FDFT1: variants seen among roughly 807,000 people sequenced by gnomAD.
The protein encoded by FDFT1 is farnesyl-diphosphate farnesyltransferase 1.
Under a neutral mutation model 46.8 loss-of-function variants are expected in FDFT1, and 68 were observed. That is an observed-to-expected ratio of 1.45 (90% CI 1.19 to 1.78). The LOEUF (loss-of-function observed/expected upper bound fraction) is 1.78. FDFT1 is among the 40% of genes most tolerant of loss of function. The pLI, the probability that FDFT1 is intolerant of heterozygous loss-of-function variation, is 0.00. For missense variants in FDFT1, 928 were observed against 524.4 expected (o/e 1.77, Z -7.52); for synonymous variants, 351 against 185.1 (o/e 1.90, Z -7.28).
chr8:11,832,571 A>AAAAAAAAAAAAAAAAAAAAAAAAT (rs1810961254), intron 7 of FDFT1, among the ~76,000 whole-genome samples: 1 of 149,142 alleles, frequency 6.7e-6, no homozygotes, highest in Non-Finnish European at 1.5e-5. Context: ...AAAAAAAAAA[A>AAAAAAAAAAAAAAAAAAAAAAAAT]AAAAAGTCTT....
intron 1 of FDFT1, among the ~76,000 whole-genome samples, chr8:11,807,025 C>T (rs970408930): frequency 2.5e-5 from 1 of 40,190 alleles, no homozygotes; most frequent in Non-Finnish European, 8.7e-5. Context: ...GAAATATATA[C>T]AAATAAAAAC....
At chr8:11,797,500 G>C (rs1254452709), upstream of FDFT1, among the ~76,000 whole-genome samples, 1 of 143,884 alleles carries the variant, frequency 7.0e-6, no homozygotes, top group Non-Finnish European at 1.5e-5. Flanking sequence ...CCACATTGTA[G>C]ATGTTCAGCC....
intron 4 of FDFT1, among the ~76,000 whole-genome samples, chr8:11,824,573 C>T (rs568709808): frequency 6.6e-6 from 1 of 150,712 alleles, no homozygotes; most frequent in African/African-American, 2.4e-5. Flanking sequence ...GACCACTGGC[C>T]TGTGTCACTG....
At chr8:11,796,483 C>G (rs1176035376) in intron 1 of FDFT1, among the ~76,000 whole-genome samples, 1 of 152,198 alleles carries the variant, frequency 6.6e-6, no homozygotes, top group Admixed American at 6.5e-5. Context: ...TGAACACAAA[C>G]AAATAAGGTT....
At chr8:11,821,201 A>G (rs1809189622) in intron 3 of FDFT1, among the ~76,000 whole-genome samples, 1 of 152,262 alleles carries the variant, frequency 6.6e-6, no homozygotes, top group Non-Finnish European at 1.5e-5. Flanking sequence ...CATTGGAAAG[A>G]TGAAATGTGT....
chr8:11,801,752 G>A (rs1209330841), upstream of FDFT1: 15 of 350,430 alleles, frequency 4.3e-5, no homozygotes, highest in South Asian at 2.8e-4. Context: ...GGAGTGCAGC[G>A]GTGTCATCTT....
intron 4 of FDFT1, among the ~76,000 whole-genome samples, chr8:11,825,556 A>G (rs1192950665): frequency 6.6e-6 from 1 of 151,778 alleles, no homozygotes; most frequent in Admixed American, 6.6e-5. Context: ...AAAAAAAAAA[A>G]AAAAGTTATT....
At position 11,830,379 on chromosome 8, in the gene FDFT1, C is replaced by A; in HGVS notation, c.838C>A (p.Leu280Ile). ...AGATGTCATCACCTACCTTTCGAGA[C>A]TCAGAAACCAGAGTGTGTTTAACTT... Reference protein sequence around the residue: ...IPDVITYLSRLRNQSVFNFCA... With the variant: ...IPDVITYLSRIRNQSVFNFCA... The change falls in exon 6 of 8, where the codon CTC becomes ATC. Residue 280 changes from leucine to isoleucine, a missense_variant. Physicochemically the swap from Leu to Ile is conservative, Grantham distance 5 (BLOSUM62 2). Transcript: ENST00000220584. 2.5e-6 allele frequency: 4 copies of A among 1,613,820 alleles called. No homozygotes were observed. In the South Asian group the frequency reaches 4.4e-5, roughly 18 times the overall value.
In FDFT1 at chr8:11,803,054, G is replaced by A. The variant is rs979880421; in HGVS notation, c.99+123G>A. On this transcript the variant is annotated intron_variant, in intron 1 of 7. Coordinates refer to ENST00000220584, the MANE Select transcript of FDFT1 (RefSeq NM_004462.5). Reference sequence around the variant, plus strand: ...CGGCGAGCAGGGCCGACGCCTGGGTGTTCCCGTCCCCCTTTCCTCGAGCCT... The same window carrying A: ...CGGCGAGCAGGGCCGACGCCTGGGTATTCCCGTCCCCCTTTCCTCGAGCCT... 6.8e-6 allele frequency: 10 copies of A among 1,462,482 alleles called. No homozygotes were observed. The African/African-American group carries it at 8.6e-5, about 13-fold the overall frequency. The allele number at this position is 1,462,482 out of a possible 1,614,324, so 90.6% of individuals were successfully genotyped here.
At chr8:11,829,563 G>A (rs909181650) in intron 5 of FDFT1, among the ~76,000 whole-genome samples, 2 of 152,214 alleles carry the variant, frequency 1.3e-5, no homozygotes, top group African/African-American at 4.8e-5. Flanking sequence ...TTAGTCTGCA[G>A]TACAATTATA....
intron 3 of FDFT1, among the ~76,000 whole-genome samples, chr8:11,819,919 A>C (rs1808988577): frequency 6.6e-6 from 1 of 152,048 alleles, no homozygotes; most frequent in African/African-American, 2.4e-5. Context: ...TTTGGAGGAG[A>C]AGAGGCGTTC....
At chr8:11,835,971 T>TAAACAAA (rs1554530006) in intron 7 of FDFT1, among the ~76,000 whole-genome samples, 1 of 64,608 alleles carries the variant, frequency 1.5e-5, no homozygotes, top group African/African-American at 5.1e-5. Flanking sequence ...CTGTCTCTAC[T>TAAACAAA]AAAAAAAAAA....
chr8:11,818,636 G>C (rs1253956709), intron 3 of FDFT1, among the ~76,000 whole-genome samples: 1 of 151,794 alleles, frequency 6.6e-6, no homozygotes, highest in Non-Finnish European at 1.5e-5. Flanking sequence ...TGTCTCTTTT[G>C]ATCTTAGTTG....
chr8:11,821,049 C>G (rs1457871187), intron 3 of FDFT1, among the ~76,000 whole-genome samples: 1 of 152,194 alleles, frequency 6.6e-6, no homozygotes, highest in African/African-American at 2.4e-5. Flanking sequence ...TGTATATCCC[C>G]AGTGCCTAGA....
At chr8:11,831,234 G>A (rs1184698335) in intron 6 of FDFT1, among the ~76,000 whole-genome samples, 1 of 152,176 alleles carries the variant, frequency 6.6e-6, no homozygotes, top group African/African-American at 2.4e-5. Flanking sequence ...GAAAATGTTG[G>A]ATTTACTTGT....
At chr8:11,802,032 G>T, upstream of FDFT1, 1 of 456,004 alleles carries the variant, frequency 2.2e-6, no homozygotes, top group Non-Finnish European at 4.4e-6. Flanking sequence ...TAGGATGAGA[G>T]AAGTTTCCAC....
At chr8:11,798,689 T>C (rs1585826430), upstream of FDFT1, among the ~76,000 whole-genome samples, 1 of 152,192 alleles carries the variant, frequency 6.6e-6, no homozygotes, top group Non-Finnish European at 1.5e-5. Flanking sequence ...TTGCATTGTT[T>C]AGGCACCATC....
upstream of FDFT1, among the ~76,000 whole-genome samples, chr8:11,801,335 T>C (rs1162689133): frequency 1.3e-5 from 2 of 152,208 alleles, no homozygotes; most frequent in East Asian, 3.8e-4. Flanking sequence ...CTGTTTGTTT[T>C]TGAGATGAAG....
intron 7 of FDFT1, among the ~76,000 whole-genome samples, chr8:11,834,237 T>G (rs1035545005): frequency 6.6e-6 from 1 of 152,208 alleles, no homozygotes; most frequent in Admixed American, 6.5e-5. Flanking sequence ...CAGCCCCAGG[T>G]CTTCACGAGC....
Sources: gnomAD v4.1 joint callset for allele counts (sites outside exome capture counted in the v4.1 genomes callset) on GRCh38, gnomAD v4.1.1 for gene constraint, MANE v1.5 for transcripts, NCBI Gene and HGNC (gene_info 2026-07-23, HGNC 2026-07-21) for gene names.